TGFBRAP1: variants seen among roughly 807,000 people sequenced by gnomAD.
The protein encoded by TGFBRAP1 is transforming growth factor beta receptor associated protein 1.
TGFBRAP1 carries 20 observed loss-of-function variants against 83.2 expected under a neutral mutation model. The ratio of observed to expected loss-of-function variants is 0.24; its 90% CI spans 0.17 to 0.35. The LOEUF is 0.35. Among genes scored for constraint, TGFBRAP1 ranks in the 10% least tolerant of loss-of-function variants. TGFBRAP1 has a pLI of 1.00. For synonymous variants in TGFBRAP1, 415 were observed against 459.8 expected (o/e 0.90, Z 1.25); for missense variants, 950 against 1,099.4 (o/e 0.86, Z 1.92).
intron 7 of TGFBRAP1, among the ~76,000 whole-genome samples, chr2:105,276,102 T>G (rs150985693): frequency 5.3e-4 from 81 of 152,314 alleles, no homozygotes; most frequent in African/African-American, 1.9e-3. Context: ...TTCCATCTTC[T>G]CCGTCACAGA....
Position 105,266,169 on chromosome 2 carries a change from T to C in TGFBRAP1, c.*1214A>G, listed in dbSNP as rs1676924966. On this transcript the variant is annotated 3_prime_UTR_variant, in exon 12 of 12. Transcript: ENST00000393359. ...CGGCCTGTGATGAAGGAGAGGCCGT[T>C]GCTGTGTGTTCAGGACACCTCAGAG... 6.6e-6 allele frequency: 1 copy of C among 152,226 alleles called. No individual in the cohort carries two copies. Among genetic ancestry groups the C allele is most frequent in the Admixed American group, 6.5e-5 (1 of 15,286 alleles). 9.4% of individuals were successfully genotyped at this position (152,226 alleles called of 1,614,324 possible). A position where few individuals can be genotyped will look rare whatever the true frequency, so the allele number is the denominator to read the frequency against.
At chr2:105,300,778 G>C (rs1427088879) in intron 2 of TGFBRAP1, among the ~76,000 whole-genome samples, 1 of 152,270 alleles carries the variant, frequency 6.6e-6, no homozygotes, top group East Asian at 1.9e-4. Flanking sequence ...ATTGGCACGT[G>C]AATAGGCAAA....
chr2:105,279,547 C>G (rs1250774039), intron 6 of TGFBRAP1, among the ~76,000 whole-genome samples: 3 of 151,416 alleles, frequency 2.0e-5, no homozygotes, highest in African/African-American at 7.3e-5. Flanking sequence ...AGGCATGAAC[C>G]CCCATGTCCA....
chr2:105,269,612 T>C lies in TGFBRAP1; in HGVS notation c.2066A>G (p.Glu689Gly). Reference protein sequence around the residue: ...HEKALHILVHELQDFAAAEDY... With the variant: ...HEKALHILVHGLQDFAAAEDY... ...CTCGGCCGCTGCAAAGTCCTGCAGC[T>C]CGTGCACCAGGATATGCAGCGCCTT... is the stretch of plus-strand genomic sequence containing the variant. The change falls in exon 11 of 12, where the codon GAG (glutamate) becomes GGG (glycine). Residue 689 changes from glutamate (E) to glycine (G), a missense_variant. Transcript: ENST00000393359. This position sits in a 1 kb window ranked among gnomAD's most constrained non-coding sequence, Gnocchi z 4.1. The C allele has an allele frequency of 1.2e-6, 2 of 1,608,404 alleles. No homozygotes were observed. Among genetic ancestry groups the C allele is most frequent in the Non-Finnish European group, 1.7e-6 (2 of 1,176,466 alleles).
At position 105,280,403 on chromosome 2, in the gene TGFBRAP1, G is replaced by T; in HGVS notation, c.1442C>A (p.Ala481Asp). Reference sequence around the variant, plus strand: ...TCACTTTTTGTGCTTCTCTAGCCAGGCAGCACTGTCCGTCAGAAGACAGAA... The same window carrying T: ...TCACTTTTTGTGCTTCTCTAGCCAGTCAGCACTGTCCGTCAGAAGACAGAA... ...ENFCLLTDSA[A>D]WLEKHKKYFA... Residue 481 changes from alanine (A) to aspartate (D), a missense_variant, in exon 6 of 12, where the codon GCC (alanine) becomes GAC (aspartate). Coordinates refer to ENST00000393359, the MANE Select transcript of TGFBRAP1 (RefSeq NM_004257.6). The T allele has an allele frequency of 6.2e-7, 1 of 1,613,930 alleles. No homozygotes were observed. The highest frequency in any genetic ancestry group is 8.5e-7 in the Non-Finnish European group (1 of 1,179,982).
chr2:105,259,591 A>G (rs780288397), downstream of TGFBRAP1, among the ~76,000 whole-genome samples: 5 of 152,160 alleles, frequency 3.3e-5, no homozygotes, highest in Non-Finnish European at 7.4e-5. Flanking sequence ...AGAGGTTTAT[A>G]TGAAGAGGGG....
intron 4 of TGFBRAP1, among the ~76,000 whole-genome samples, chr2:105,289,839 G>A (rs1312495704): frequency 6.6e-6 from 1 of 152,172 alleles, no homozygotes; most frequent in African/African-American, 2.4e-5. Flanking sequence ...AAGTTTTAAT[G>A]TTGACAGATA....
chr2:105,320,674 A>C (rs985579668), intron 1 of TGFBRAP1, among the ~76,000 whole-genome samples: 16 of 152,208 alleles, frequency 1.1e-4, no homozygotes, highest in Non-Finnish European at 8.8e-5. Context: ...AAGAAAAATT[A>C]TAGCTATTAA....
chr2:105,280,500 C>A lies in TGFBRAP1; in HGVS notation c.1345G>T (p.Asp449Tyr). The A allele has an allele frequency of 6.2e-7, 1 of 1,614,146 alleles. No homozygotes were observed. The highest frequency in any genetic ancestry group is 8.5e-7 in the Non-Finnish European group (1 of 1,180,024). ...EVANGYKEDI[D>Y]TALLKLYAEA... Reference sequence around the variant, plus strand: ...GCATACAGTTTGAGCAAGGCTGTGTCGATGTCCTCCTTGTAGCCATTTGCT... The same window carrying A: ...GCATACAGTTTGAGCAAGGCTGTGTAGATGTCCTCCTTGTAGCCATTTGCT... The change falls in exon 6 of 12, where the codon GAC becomes TAC. Residue 449 changes from aspartate to tyrosine, a missense_variant. Physicochemically the swap from Asp to Tyr is radical, Grantham distance 160 (BLOSUM62 -3). Coordinates refer to ENST00000393359, the MANE Select transcript of TGFBRAP1 (RefSeq NM_004257.6).
chr2:105,275,422 G>C, intron 8 of TGFBRAP1, 138 bp downstream of exon 8: 1 of 1,373,884 alleles, frequency 7.3e-7, no homozygotes, highest in Non-Finnish European at 9.6e-7. Context: ...GTATTAAAAG[G>C]GGAATAATAA....
intron 4 of TGFBRAP1, among the ~76,000 whole-genome samples, chr2:105,285,168 C>T (rs968734316): frequency 1.2e-4 from 18 of 152,220 alleles, no homozygotes; most frequent in African/African-American, 4.1e-4. Flanking sequence ...ATAGCCCAGG[C>T]TCTAATCGCC....
chr2:105,274,560 G>A (rs776967777), intron 8 of TGFBRAP1, among the ~76,000 whole-genome samples: 10 of 152,306 alleles, frequency 6.6e-5, no homozygotes, highest in East Asian at 1.9e-4. Flanking sequence ...ATTGTCCACC[G>A]TGCAGTATCT....
chr2:105,280,808 C>T (rs144980522), intron 5 of TGFBRAP1, 85 bp from the exon 6 acceptor site: 55 of 1,376,148 alleles, frequency 4.0e-5, no homozygotes, highest in Middle Eastern at 1.9e-4. Flanking sequence ...GGGGAGCGCA[C>T]GGTGGCACAC....
chr2:105,258,764 CACACACACACTG>C, the TGFBRAP1 span, among the ~76,000 whole-genome samples: 1 of 151,698 alleles, frequency 6.6e-6, no homozygotes, highest in Non-Finnish European at 1.5e-5. Flanking sequence ...CACACACACA[CACACACACACTG>C]TCTCTCTCTC....
downstream of TGFBRAP1, among the ~76,000 whole-genome samples, chr2:105,263,263 A>C (rs2104292664): frequency 6.6e-6 from 1 of 152,358 alleles, no homozygotes; most frequent in East Asian, 1.9e-4. Flanking sequence ...CCAATGAGGT[A>C]AAAATGAGAA....
chr2:105,254,013 T>A, the TGFBRAP1 span, among the ~76,000 whole-genome samples: 1 of 152,144 alleles, frequency 6.6e-6, no homozygotes, highest in African/African-American at 2.4e-5. Context: ...TCCATTGTGG[T>A]GATATGCCTC....
intron 6 of TGFBRAP1, 59 bp downstream of exon 6, chr2:105,280,323 G>A: frequency 1.3e-6 from 2 of 1,543,932 alleles, no homozygotes; most frequent in Non-Finnish European, 1.8e-6. Flanking sequence ...CCCCAGCAAA[G>A]AGCCTCAGTA....
downstream of TGFBRAP1, among the ~76,000 whole-genome samples, chr2:105,260,680 T>G (rs572940273): frequency 1.9e-3 from 288 of 152,084 alleles, 2 homozygotes; most frequent in African/African-American, 6.4e-3. Flanking sequence ...TGATGATGAT[T>G]GCATAACAAT....
At position 105,279,803 on chromosome 2, in the gene TGFBRAP1, C is replaced by A. The variant is rs1315707617; in HGVS notation, c.1463+579G>T. On this transcript the variant is annotated intron_variant, in intron 6 of 11. Coordinates refer to ENST00000393359, the MANE Select transcript of TGFBRAP1 (RefSeq NM_004257.6). Reference sequence around the variant, plus strand: ...CTGTAATCCCAGCACTTTGGGAGGCCGAGGCGAGCAGACCACCTGAGGTCA... The same window carrying A: ...CTGTAATCCCAGCACTTTGGGAGGCAGAGGCGAGCAGACCACCTGAGGTCA... 2.6e-5 allele frequency among the ~76,000 whole-genome samples: 4 copies of A among 151,998 alleles called. No individual in the cohort carries two copies. The East Asian group carries it at 7.7e-4, about 29-fold the overall frequency.
Sources: gnomAD v4.1 joint callset for allele counts (sites outside exome capture counted in the v4.1 genomes callset) on GRCh38, gnomAD v4.1.1 for gene constraint, Gnocchi (gnomAD v3.1) non-coding constraint, MANE v1.5 for transcripts, NCBI Gene and HGNC (gene_info 2026-07-23, HGNC 2026-07-21) for gene names.